NOX4: variants seen among roughly 807,000 people sequenced by gnomAD.
The protein encoded by NOX4 is kidney oxidase-1.
Under a neutral mutation model 87.6 loss-of-function variants are expected in NOX4, and 69 were observed. The ratio of observed to expected loss-of-function variants is 0.79; its 90% CI spans 0.65 to 0.96. The LOEUF (loss-of-function observed/expected upper bound fraction) is 0.96. NOX4 is among the 40% of genes least tolerant of loss of function. NOX4 has a pLI of 0.00. For missense variants in NOX4, 680 were observed against 681.5 expected (o/e 1.00, Z 0.02); for synonymous variants, 275 against 238.2 (o/e 1.15, Z -1.42).
At chr11:89,414,357 T>A (rs2135237179) in intron 8 of NOX4, among the ~76,000 whole-genome samples, 1 of 152,092 alleles carries the variant, frequency 6.6e-6, no homozygotes, top group South Asian at 2.1e-4. Context: ...AGAAAATTCA[T>A]AGCAAAATTC....
chr11:89,532,755 A>T, the NOX4 span, among the ~76,000 whole-genome samples: 2 of 152,138 alleles, frequency 1.3e-5, no homozygotes, highest in Non-Finnish European at 2.9e-5. Flanking sequence ...CTTGAATAGT[A>T]ATCCCCACAT....
At chr11:89,495,192 G>A (rs1254927570), upstream of NOX4, among the ~76,000 whole-genome samples, 11 of 152,238 alleles carry the variant, frequency 7.2e-5, no homozygotes, top group Middle Eastern at 3.4e-3. Context: ...GCCCAGGCTG[G>A]TATCAAACTC....
the NOX4 span, among the ~76,000 whole-genome samples, chr11:89,550,241 A>G: frequency 1.3e-5 from 2 of 151,242 alleles, no homozygotes; most frequent in Non-Finnish European, 2.9e-5. Context: ...GCTGTAGTGC[A>G]GTGGCATGAT....
At chr11:89,397,430 A>C (rs555495668) in intron 11 of NOX4, among the ~76,000 whole-genome samples, 35 of 152,176 alleles carry the variant, frequency 2.3e-4, no homozygotes, top group African/African-American at 8.2e-4. Context: ...AGAGCAAACG[A>C]ATACAAAAGC....
At chr11:89,438,576 C>T (rs868497936) in intron 6 of NOX4, among the ~76,000 whole-genome samples, 15 of 80,538 alleles carry the variant, frequency 1.9e-4, no homozygotes, top group African/African-American at 7.9e-4. Context: ...ATAATATATA[C>T]TATATATTAT....
At chr11:89,455,280 A>C (rs1015458552) in intron 2 of NOX4, among the ~76,000 whole-genome samples, 1 of 151,988 alleles carries the variant, frequency 6.6e-6, no homozygotes, top group East Asian at 1.9e-4. Context: ...CATTACCTTG[A>C]TTCTTATATA....
Position 89,373,505 on chromosome 11 carries a change from A to G in NOX4, c.1075-13T>C, listed in dbSNP as rs768363658. 1 of 1,491,334 alleles carries G rather than the reference A, an allele frequency of 6.7e-7. No homozygotes were observed. Among genetic ancestry groups the G allele is most frequent in the Non-Finnish European group, 9.3e-7 (1 of 1,070,916 alleles). The allele number at this position is 1,491,334 out of a possible 1,614,324, so 92.4% of individuals were successfully genotyped here. On this transcript the variant is annotated splice_polypyrimidine_tract_variant and intron_variant, in intron 11 of 17. Transcript: ENST00000263317. Reference sequence around the variant, plus strand: ...TTTCAGTTGGACACTAAAAAAAAATACTAGAATCAATTGTGATTAATAATT... The same window carrying G: ...TTTCAGTTGGACACTAAAAAAAAATGCTAGAATCAATTGTGATTAATAATT...
chr11:89,470,267 C>A (rs1033817058), intron 2 of NOX4, among the ~76,000 whole-genome samples: 1 of 152,136 alleles, frequency 6.6e-6, no homozygotes, highest in African/African-American at 2.4e-5. Flanking sequence ...GAACTTATGG[C>A]ATGGCTTCCT....
At chr11:89,550,384 C>A in the NOX4 span, among the ~76,000 whole-genome samples, 1 of 152,082 alleles carries the variant, frequency 6.6e-6, no homozygotes, top group Non-Finnish European at 1.5e-5. Flanking sequence ...TGGGTTTTCA[C>A]CATGTTGGCC....
At chr11:89,573,862 G>T in the NOX4 span, among the ~76,000 whole-genome samples, 2,346 of 152,158 alleles carry the variant, frequency 0.015, 48 homozygotes, top group African/African-American at 0.049. Flanking sequence ...GCCCTCATGC[G>T]CAGTGCCCTC....
chr11:89,493,064 T>C (rs1016435377), upstream of NOX4, among the ~76,000 whole-genome samples: 1 of 152,218 alleles, frequency 6.6e-6, no homozygotes, highest in Non-Finnish European at 1.5e-5. Context: ...TAGCCCTCCA[T>C]GTGCGTGTTA....
At chr11:89,551,980 T>TAC in the NOX4 span, among the ~76,000 whole-genome samples, 7 of 151,836 alleles carry the variant, frequency 4.6e-5, no homozygotes, top group African/African-American at 1.5e-4. Context: ...ATGATTCTCT[T>TAC]ACACACACAC....
At chr11:89,439,968 C>T (rs1207455876) in intron 6 of NOX4, among the ~76,000 whole-genome samples, 1 of 152,096 alleles carries the variant, frequency 6.6e-6, no homozygotes, top group Admixed American at 6.6e-5. Context: ...TATAAGAACT[C>T]CATGGATACC....
intron 13 of NOX4, among the ~76,000 whole-genome samples, chr11:89,349,535 C>T (rs1441363620): frequency 6.6e-6 from 1 of 152,020 alleles, no homozygotes; most frequent in Non-Finnish European, 1.5e-5. Context: ...GTCATTTTTA[C>T]GTAGCCCATT....
chr11:89,569,295 T>C, the NOX4 span, among the ~76,000 whole-genome samples: 1 of 151,716 alleles, frequency 6.6e-6, no homozygotes, highest in Non-Finnish European at 1.5e-5. Flanking sequence ...AGAAAAAATA[T>C]TTGCAAACTA....
chr11:89,357,413 G>A (rs61903450), intron 12 of NOX4, among the ~76,000 whole-genome samples: 8,555 of 152,070 alleles, frequency 0.056, 318 homozygotes, highest in Non-Finnish European at 0.081. Context: ...ATATTACTCT[G>A]TTTAATTTAC....
chr11:89,345,633 G>A (rs1010119394), intron 13 of NOX4, among the ~76,000 whole-genome samples: 2 of 151,994 alleles, frequency 1.3e-5, no homozygotes, highest in African/African-American at 4.8e-5. Context: ...CCATCTTCAT[G>A]TCTACGTGTA....
rs1390442770 is a variant in NOX4 at position 89,324,937 on chromosome 11, T to C, written c.*1819A>G. ...ATCATTCAGTATGGGTTAGCATGCT[T>C]GATTGCTATTGGTGAATTATAGCAA... On this transcript the variant is annotated 3_prime_UTR_variant, in exon 18 of 18. Transcript: ENST00000263317. 1 of 151,968 alleles carries C rather than the reference T, an allele frequency of 6.6e-6. No homozygotes were observed. The highest frequency in any genetic ancestry group is 1.5e-5 in the Non-Finnish European group (1 of 67,988). The allele number at this position is 151,968 out of a possible 1,614,324, so 9.4% of individuals were successfully genotyped here.
intron 11 of NOX4, among the ~76,000 whole-genome samples, chr11:89,394,164 G>C (rs1941314645): frequency 6.6e-6 from 1 of 152,114 alleles, no homozygotes; most frequent in Non-Finnish European, 1.5e-5. Flanking sequence ...GAAAGAAATT[G>C]ATCTAGAAGC....
Sources: allele counts gnomAD v4.1 joint callset (sites outside exome capture counted in the v4.1 genomes callset), GRCh38; gene constraint gnomAD v4.1.1; transcripts MANE v1.5; gene names NCBI Gene and HGNC (gene_info 2026-07-23, HGNC 2026-07-21).